The following HIPK1 variants were observed in gnomAD, a reference collection of about 807,000 sequenced individuals.
The protein encoded by HIPK1 is homeodomain-interacting protein kinase 1.
HIPK1 carries 28 observed loss-of-function variants against 117.1 expected under a neutral mutation model. The ratio of observed to expected loss-of-function variants is 0.24; its 90% CI spans 0.18 to 0.33. HIPK1 has a LOEUF of 0.33. Among genes scored for constraint, HIPK1 ranks in the 10% least tolerant of loss-of-function variants. The pLI is 1.00. For missense variants in HIPK1, 1,122 were observed against 1,475.1 expected (o/e 0.76, Z 3.92); for synonymous variants, 605 against 562.5 (o/e 1.08, Z -1.07).
intron 2 of HIPK1, chr1:113,951,107 C>A: frequency 2.4e-6 from 1 of 424,096 alleles, no homozygotes; most frequent in Non-Finnish European, 3.2e-6. Context: ...GATTAAGTGA[C>A]TCAACATTTA....
intron 2 of HIPK1, among the ~76,000 whole-genome samples, chr1:113,949,421 C>G (rs940222927): frequency 6.6e-6 from 1 of 151,922 alleles, no homozygotes; most frequent in African/African-American, 2.4e-5. Flanking sequence ...TTTAGAAAAG[C>G]TTTTATGTTG....
intron 8 of HIPK1, among the ~76,000 whole-genome samples, chr1:113,960,283 C>T (rs1672011193): frequency 6.6e-6 from 1 of 152,032 alleles, no homozygotes; most frequent in South Asian, 2.1e-4. Context: ...AACTATAATC[C>T]CTCTTAGGTC....
At chr1:113,949,371 T>A (rs1671197253) in intron 2 of HIPK1, among the ~76,000 whole-genome samples, 1 of 152,182 alleles carries the variant, frequency 6.6e-6, no homozygotes, top group African/African-American at 2.4e-5. Context: ...AAATTAATGA[T>A]TCTGCTCACT....
rs911955863 is a variant in HIPK1 at position 113,977,614 on chromosome 1, AGAAAT to A, written c.*4103_*4107del. ...TATGTAAAATAATCATTTTAACAAA[AGAAAT>A]AGATATTTAAAATTTAATACTAACT... On this transcript the variant is annotated 3_prime_UTR_variant, in exon 16 of 16. Transcript: ENST00000426820. 6.5e-6 allele frequency: 1 copy of A among 152,676 alleles called. No individual in the cohort carries two copies. Among genetic ancestry groups the A allele is most frequent in the Non-Finnish European group, 1.5e-5 (1 of 68,042 alleles). The allele number at this position is 152,676 out of a possible 1,614,324, so 9.5% of individuals were successfully genotyped here.
intron 11 of HIPK1, among the ~76,000 whole-genome samples, chr1:113,966,836 CTT>C (rs78432266): frequency 2.2e-4 from 30 of 139,174 alleles, no homozygotes; most frequent in Admixed American, 3.6e-4. Flanking sequence ...AGTTCTTATT[CTT>C]TTTTTTTTTT....
intron 14 of HIPK1, among the ~76,000 whole-genome samples, 197 bp from the exon 15 acceptor site, chr1:113,971,627 T>C (rs532641616): frequency 2.6e-5 from 4 of 152,268 alleles, no homozygotes; most frequent in Non-Finnish European, 4.4e-5. Flanking sequence ...TAAGTGAACA[T>C]TTTGAGGATC....
intron 10 of HIPK1, among the ~76,000 whole-genome samples, chr1:113,965,103 G>C (rs1672362874): frequency 6.6e-6 from 1 of 152,120 alleles, no homozygotes; most frequent in South Asian, 2.1e-4. Flanking sequence ...TGCTTTGAAG[G>C]CTTCTTGTTT....
At chr1:113,951,129 G>A (rs1671335440) in intron 2 of HIPK1, 1 of 630,094 alleles carries the variant, frequency 1.6e-6, no homozygotes, top group African/African-American at 2.0e-5. Context: ...AAAGAACTTA[G>A]AACAGTGCAT....
At chr1:113,930,528 G>T (rs961065359) in intron 1 of HIPK1, 5 of 152,184 alleles carry the variant, frequency 3.3e-5, no homozygotes, top group African/African-American at 1.2e-4. Context: ...AGATCTAGAG[G>T]TCTGGCCCAA....
chr1:113,967,893 C>T lies in HIPK1; in HGVS notation c.2509C>T (p.Gln837Ter). The T allele has an allele frequency of 6.2e-7, 1 of 1,611,324 alleles. No individual in the cohort carries two copies. The highest frequency in any genetic ancestry group is 8.5e-7 in the Non-Finnish European group (1 of 1,179,352). Reference sequence around the variant, plus strand: ...TGTTGCCCATGTTGTCAGACAACAACAATCCAGTTCCCTCCCTTCGAAGAA... The same window carrying T: ...TGTTGCCCATGTTGTCAGACAACAATAATCCAGTTCCCTCCCTTCGAAGAA... ...VGVAHVVRQQ[Q>*]SSSLPSKKNK... The change falls in exon 12 of 16, where the codon CAA becomes TAA. Residue 837 changes from glutamine to a stop codon, truncating the protein, a stop_gained. Transcript: ENST00000426820. LOFTEE classifies it high-confidence loss of function.
intron 2 of HIPK1, 38 bp from the exon 3 acceptor site, chr1:113,952,724 ATGTT>A: frequency 7.9e-7 from 1 of 1,261,182 alleles, no homozygotes; most frequent in Non-Finnish European, 1.1e-6. Flanking sequence ...TTCCCAAATA[ATGTT>A]TTTTTTTTTT....
At chr1:113,946,980 C>G (rs1671028100) in intron 2 of HIPK1, among the ~76,000 whole-genome samples, 1 of 152,196 alleles carries the variant, frequency 6.6e-6, no homozygotes, top group African/African-American at 2.4e-5. Context: ...ATATTAGAGT[C>G]CATTAAGTCC....
At chr1:113,969,919 G>A (rs771977832) in intron 13 of HIPK1, 37 bp from the exon 14 acceptor site, 2 of 1,611,222 alleles carry the variant, frequency 1.2e-6, no homozygotes, top group South Asian at 1.1e-5. Context: ...ACACAAAAAA[G>A]AACAATTCAA....
In HIPK1 at chr1:113,959,624, G is replaced by A. The variant is rs138838926; in HGVS notation, c.1981+1333G>A. 6.6e-4 allele frequency among the ~76,000 whole-genome samples: 100 copies of A among 152,256 alleles called. 1 individual carries two copies. Among genetic ancestry groups the A allele is most frequent in the African/African-American group, 2.4e-3 (98 of 41,550 alleles). On this transcript the variant is annotated intron_variant, in intron 8 of 15. Transcript: ENST00000426820. ...TACAAGATGAAGCAGAAGAACTTTT[G>A]AGTTCCTTTAACAAAACAAAATGTA...
rs143955929 is a variant in HIPK1, at chr1:113,973,392, C to G, written c.3513C>G (p.Ala1171=). 2 of 1,614,056 alleles carry G rather than the reference C, an allele frequency of 1.2e-6. No individual in the cohort carries two copies. Among genetic ancestry groups the G allele is most frequent in the African/African-American group, 2.7e-5 (2 of 74,908 alleles). ...GPSLLTSASV[A]PAQYQHQFAT... ...GCCTCCTCACTTCTGCCAGCGTGGC[C>G]CCTGCTCAGTACCAACACCAGTTTG... Residue 1171 remains alanine (A), a synonymous_variant, in exon 16 of 16, where the codon GCC becomes GCG. Transcript: ENST00000426820.
intron 8 of HIPK1, among the ~76,000 whole-genome samples, chr1:113,959,445 A>G (rs1282530962): frequency 6.6e-6 from 1 of 152,196 alleles, no homozygotes; most frequent in Non-Finnish European, 1.5e-5. Flanking sequence ...ATGCTTCATA[A>G]TAGTAAATTC....
chr1:113,945,061 C>T lies in HIPK1; in HGVS notation c.1076+3602C>T, dbSNP rs544467152. ...ACGGGGTTTCACTGTGTTGCCCAGG[C>T]TGGTCTCAAACTCATAGGCTCAAGT... On this transcript the variant is annotated intron_variant, in intron 2 of 15. Coordinates refer to ENST00000426820, the MANE Select transcript of HIPK1 (RefSeq NM_198268.3). 4.6e-5 allele frequency among the ~76,000 whole-genome samples: 7 copies of T among 151,978 alleles called. No homozygotes were observed. The East Asian group carries it at 1.4e-3, about 30-fold the overall frequency.
intron 8 of HIPK1, among the ~76,000 whole-genome samples, chr1:113,961,636 T>G (rs373280206): frequency 2.6e-5 from 4 of 152,152 alleles, no homozygotes; most frequent in Non-Finnish European, 4.4e-5. Context: ...AAGTTTTTTT[T>G]CCACCTAGTG....
Position 113,970,068 on chromosome 1 carries a change from C to T in HIPK1, c.2884C>T (p.Arg962Ter), listed in dbSNP as rs1672719953. 2 of 1,614,016 alleles carry T rather than the reference C, an allele frequency of 1.2e-6. No individual in the cohort carries two copies. The highest frequency in any genetic ancestry group is 1.7e-6 in the Non-Finnish European group (2 of 1,180,046). Residue 962 changes from arginine to a stop codon, truncating the protein, a stop_gained, in exon 14 of 16, where the codon CGA (arginine) becomes TGA (stop). Coordinates refer to ENST00000426820, the MANE Select transcript of HIPK1 (RefSeq NM_198268.3). LOFTEE classifies it high-confidence loss of function. Reference protein sequence around the residue: ...PYSTDTLSALRGNSGSVLEGP... With the variant: ...PYSTDTLSAL ...TTCCACTGATACCCTGAGTGCTCTC[C>T]GAGGCAATAGTGGATCCGTTTTGGA... is the stretch of plus-strand genomic sequence containing the variant.
Sources: gnomAD v4.1 joint callset for allele counts (sites outside exome capture counted in the v4.1 genomes callset) on GRCh38, gnomAD v4.1.1 for gene constraint, MANE v1.5 for transcripts, NCBI Gene and HGNC (gene_info 2026-07-23, HGNC 2026-07-21) for gene names.